The following NRG1 variants were observed in gnomAD, a reference collection of about 807,000 sequenced individuals.
The protein encoded by NRG1 is pro-neuregulin-1, membrane-bound isoform.
NRG1 carries 18 observed loss-of-function variants against 63.8 expected under a neutral mutation model. The observed-to-expected ratio is 0.28, with a 90% CI of 0.19 to 0.42. The LOEUF is 0.42. Among genes scored for constraint, NRG1 ranks in the 10% least tolerant of loss-of-function variants. The probability of loss-of-function intolerance (pLI) is 1.00; values close to 1 mark genes in which losing one functional copy is unlikely to be tolerated. For synonymous variants in NRG1, 302 were observed against 301.3 expected (o/e 1.00, Z -0.02); for missense variants, 762 against 814.7 (o/e 0.94, Z 0.79).
In NRG1 at chr8:31,707,677, T is replaced by C. The variant is rs184912961; in HGVS notation, c.37+68246T>C. Among the ~76,000 whole-genome samples, 56 of 152,314 alleles carry C rather than the reference T, an allele frequency of 3.7e-4. 1 individual carries two copies. In the East Asian group the frequency reaches 7.3e-3, roughly 20 times the overall value. The stretch of plus-strand genomic sequence containing the variant: ...TCTAATGGTGCTTTAAATCATCATA[T>C]AAATCTTGCACATCAACTTTATCAG... On this transcript the variant is annotated intron_variant, in intron 1 of 10. Transcript: ENST00000519301.
At chr8:31,978,030 G>A (rs770694884) in intron 1 of NRG1, among the ~76,000 whole-genome samples, 10 of 152,002 alleles carry the variant, frequency 6.6e-5, no homozygotes, top group Non-Finnish European at 1.0e-4. Flanking sequence ...AAATGTAACA[G>A]GATTGTTGAA....
intron 5 of NRG1, among the ~76,000 whole-genome samples, chr8:32,617,877 C>T (rs1186485126): frequency 6.6e-6 from 1 of 152,086 alleles, no homozygotes; most frequent in Non-Finnish European, 1.5e-5. Flanking sequence ...CAGCCTTTCC[C>T]TCCAGGTTGG....
intron 1 of NRG1, among the ~76,000 whole-genome samples, chr8:31,976,459 C>T (rs967408706): frequency 2.6e-5 from 4 of 152,134 alleles, no homozygotes; most frequent in African/African-American, 9.7e-5. Context: ...CGCTCACTAC[C>T]ACTGACATGT....
At chr8:31,957,184 C>A (rs1443892785) in intron 1 of NRG1, among the ~76,000 whole-genome samples, 2 of 91,414 alleles carry the variant, frequency 2.2e-5, no homozygotes, top group Non-Finnish European at 4.3e-5. Flanking sequence ...CAATTCAAAT[C>A]AAAGAGTTTT....
intron 1 of NRG1, among the ~76,000 whole-genome samples, chr8:31,794,285 C>T (rs1054175569): frequency 2.0e-5 from 3 of 152,094 alleles, no homozygotes; most frequent in African/African-American, 7.2e-5. Context: ...AGACCTTCTT[C>T]ATACTGCTCT....
chr8:31,724,787 C>T (rs1054579855), intron 1 of NRG1, among the ~76,000 whole-genome samples: 1 of 151,878 alleles, frequency 6.6e-6, no homozygotes, highest in Non-Finnish European at 1.5e-5. Flanking sequence ...TGTGTAATAC[C>T]CTCCACTTTG....
At chr8:31,701,362 A>G (rs1331655155) in intron 1 of NRG1, among the ~76,000 whole-genome samples, 2 of 152,248 alleles carry the variant, frequency 1.3e-5, no homozygotes, top group East Asian at 3.9e-4. Flanking sequence ...TCCCAAATCA[A>G]TCTGACAAAG....
At chr8:31,974,889 CT>C (rs1403573011) in intron 1 of NRG1, among the ~76,000 whole-genome samples, 1 of 152,212 alleles carries the variant, frequency 6.6e-6, no homozygotes, top group African/African-American at 2.4e-5. Flanking sequence ...CACAAACCCC[CT>C]GAGACATCCA....
intron 5 of NRG1, among the ~76,000 whole-genome samples, chr8:32,640,265 ACACACACACGCACG>A (rs1207884140): frequency 1.5e-4 from 23 of 151,770 alleles, no homozygotes; most frequent in African/African-American, 5.3e-4. Context: ...ACACACACAC[ACACACACACGCACG>A]CACACACACC....
intron 5 of NRG1, among the ~76,000 whole-genome samples, chr8:32,711,108 T>C (rs957242948): frequency 2.0e-5 from 3 of 152,116 alleles, no homozygotes; most frequent in Non-Finnish European, 4.4e-5. Flanking sequence ...GAAAGAGGCG[T>C]CATCGGGCAG....
At chr8:32,707,461 ATCAG>A (rs1302223002) in intron 5 of NRG1, among the ~76,000 whole-genome samples, 2 of 152,098 alleles carry the variant, frequency 1.3e-5, no homozygotes, top group East Asian at 1.9e-4. Context: ...GAAGGAAAGA[ATCAG>A]TCAGAGATTG....
chr8:31,994,630 G>C (rs544413751), intron 1 of NRG1, among the ~76,000 whole-genome samples: 2 of 114,068 alleles, frequency 1.8e-5, no homozygotes, highest in Non-Finnish European at 3.4e-5. Context: ...CTCCAGCCTG[G>C]GTGACAGAGC....
chr8:32,552,757 GT>G (rs1834387394), intron 1 of NRG1, among the ~76,000 whole-genome samples: 1 of 152,176 alleles, frequency 6.6e-6, no homozygotes, highest in Non-Finnish European at 1.5e-5. Flanking sequence ...GCGGAAGAAA[GT>G]TGTATATTCA....
Position 32,548,502 on chromosome 8 carries a change from C to T in NRG1, c.-225C>T, listed in dbSNP as rs1172435865. ...CTTCCCGGGGCGACAGGAGCAGCCC[C>T]GAGAGCCAGGGCGAGCGCCCGTTCC... On this transcript the variant is annotated 5_prime_UTR_variant, in exon 1 of 12. Transcript: ENST00000356819. 3 of 1,226,260 alleles carry T rather than the reference C, an allele frequency of 2.4e-6. No individual in the cohort carries two copies. In the East Asian group the frequency reaches 1.1e-4, roughly 44 times the overall value. The allele number at this position is 1,226,260 out of a possible 1,614,324, so 76.0% of individuals were successfully genotyped here.
chr8:32,258,905 A>G (rs1282419586), intron 1 of NRG1, among the ~76,000 whole-genome samples: 5 of 152,188 alleles, frequency 3.3e-5, no homozygotes, highest in East Asian at 3.8e-4. Flanking sequence ...CTTAACCACT[A>G]CATTATATAA....
rs953840914 is a variant in NRG1, at chr8:31,640,355, C to T, written c.37+924C>T. 3.2e-5 allele frequency: 39 copies of T among 1,232,670 alleles called. No individual in the cohort carries two copies. The highest frequency in any genetic ancestry group is 3.7e-5 in the Non-Finnish European group (37 of 987,490). The allele number at this position is 1,232,670 out of a possible 1,614,324, so 76.4% of individuals were successfully genotyped here. On this transcript the variant is annotated intron_variant, in intron 1 of 10. Coordinates refer to the NRG1 transcript ENST00000519301. The surrounding 1 kb of genome is among the most constrained non-coding windows in gnomAD (Gnocchi z 6.3). ...GAGCCGCCAGCCGCGGGCCCACGGG[C>T]GCTGGGGCCGCCCGCCGAGGAGCCG...
At chr8:32,452,760 T>C (rs1481049092) in intron 1 of NRG1, among the ~76,000 whole-genome samples, 1 of 152,216 alleles carries the variant, frequency 6.6e-6, no homozygotes, top group Non-Finnish European at 1.5e-5. Context: ...CTCTGAACCA[T>C]GTTCAATATT....
chr8:31,750,992 G>A (rs1816402196), intron 1 of NRG1, among the ~76,000 whole-genome samples: 2 of 151,902 alleles, frequency 1.3e-5, no homozygotes, highest in African/African-American at 4.8e-5. Context: ...GAAGAATTAT[G>A]GGCTCCCAAA....
At chr8:31,766,730 G>A (rs1426300638) in intron 1 of NRG1, among the ~76,000 whole-genome samples, 4 of 152,072 alleles carry the variant, frequency 2.6e-5, no homozygotes, top group African/African-American at 7.2e-5. Flanking sequence ...TCTGCCACAA[G>A]CAATACTCTA....
Sources: gnomAD v4.1 joint callset for allele counts (sites outside exome capture counted in the v4.1 genomes callset) on GRCh38, gnomAD v4.1.1 for gene constraint, Gnocchi (gnomAD v3.1) non-coding constraint, MANE v1.5 for transcripts, NCBI Gene and HGNC (gene_info 2026-07-23, HGNC 2026-07-21) for gene names.